Variants in CNPPD1 observed in about 807,000 individuals in gnomAD.
CNPPD1 encodes protein CNPPD1.
In CNPPD1, 40 loss-of-function variants were observed where a neutral mutation model predicts 43.7. That is an observed-to-expected ratio of 0.92 (90% CI 0.71 to 1.19). CNPPD1 has a LOEUF of 1.19. Ranked by LOEUF, CNPPD1 falls within the 50% of genes most tolerant of loss-of-function variation. CNPPD1 has a pLI of 0.00. For missense variants in CNPPD1, 511 were observed against 518.5 expected, an observed-to-expected ratio of 0.99 and a Z score of 0.14; for synonymous variants, 208 against 214.3, an observed-to-expected ratio of 0.97 and a Z score of 0.26.
chr2:219,176,935 G>A (rs1950178819), upstream of CNPPD1: 5 of 981,640 alleles, frequency 5.1e-6, no homozygotes, highest in South Asian at 8.3e-5. Context: ...TGCCTCCCCG[G>A]GGCGGGCCGC....
chr2:219,176,872 G>A lies in CNPPD1; in HGVS notation c.-44C>T, dbSNP rs1188364041. The A allele has an allele frequency of 1.3e-6, 2 of 1,496,218 alleles. No homozygotes were observed. Among genetic ancestry groups the A allele is most frequent in the Non-Finnish European group, 9.1e-7 (1 of 1,099,386 alleles). The allele number at this position is 1,496,218 out of a possible 1,614,324, so 92.7% of individuals were successfully genotyped here. A position where few individuals can be genotyped will look rare whatever the true frequency, so the allele number is the denominator to read the frequency against. ...CCTGCGAAGGTGAACGGAAGGAAACGAGTTGTAGGGGGCTCGCGGAGCTGT... is the reference window on the plus strand; with the variant it reads ...CCTGCGAAGGTGAACGGAAGGAAACAAGTTGTAGGGGGCTCGCGGAGCTGT... On this transcript the variant is annotated 5_prime_UTR_variant, in exon 1 of 8. Coordinates refer to ENST00000360507, the MANE Select transcript of CNPPD1 (RefSeq NM_015680.6).
chr2:219,176,450 C>T, intron 1 of CNPPD1, 119 bp from the exon 2 acceptor site: 2 of 765,436 alleles, frequency 2.6e-6, no homozygotes, highest in Non-Finnish European at 4.3e-6. Flanking sequence ...GGGGCCCGTG[C>T]CTTACCCAGA....
rs376110739 is a variant in CNPPD1 at position 219,174,884 on chromosome 2, T to C, written c.404A>G (p.Tyr135Cys). 2.2e-5 allele frequency: 35 copies of C among 1,613,976 alleles called. No individual in the cohort carries two copies. The highest frequency in any genetic ancestry group is 1.6e-4 in the Middle Eastern group (1 of 6,082). ...ISMMVASKYL[Y>C]DEGEEEEVFN... ...GACCTCCTCCTCCTCCCCTTCATCA[T>C]AGAGGTACTTACTGGCCACCATCTG... is the stretch of plus-strand genomic sequence containing the variant. Residue 135 changes from tyrosine to cysteine, a missense_variant, in exon 5 of 8, where the codon TAT (tyrosine) becomes TGT (cysteine). Tyr to Cys is a radical substitution (Grantham distance 194). Transcript: ENST00000360507.
chr2:219,174,143 T>C lies in CNPPD1; in HGVS notation c.572+3A>G, dbSNP rs779379894. 11 of 1,613,968 alleles carry C rather than the reference T, an allele frequency of 6.8e-6. No individual in the cohort carries two copies. In the Admixed American group the frequency reaches 1.8e-4, roughly 27 times the overall value. On this transcript the variant is annotated splice_donor_region_variant and intron_variant, in intron 6 of 7. Transcript: ENST00000360507. The stretch of plus-strand genomic sequence containing the variant: ...GCCCTTCTTCCCAACTCCTAGAACC[T>C]ACCAGCTCTCCAACCAGCTCAGCAC...
chr2:219,175,501 A>T, intron 3 of CNPPD1, 90 bp downstream of exon 3: 1 of 1,304,186 alleles, frequency 7.7e-7, no homozygotes, highest in Non-Finnish European at 1.1e-6. Flanking sequence ...TCTCAAAAAA[A>T]AAAAAAAGAA....
At position 219,175,707 on chromosome 2, in the gene CNPPD1, C is replaced by G. The variant is rs752885553; in HGVS notation, c.179-35G>C. On this transcript the variant is annotated intron_variant, in intron 2 of 7. Coordinates refer to ENST00000360507, the MANE Select transcript of CNPPD1 (RefSeq NM_015680.6). ...ACAGAAGGAAGGCCGAGTGAGCAAA[C>G]AAGCACCCACACCCAACACACCAGT... 2 of 1,579,554 alleles carry G rather than the reference C, an allele frequency of 1.3e-6. 1 individual carries two copies. The highest frequency in any genetic ancestry group is 2.2e-5 in the South Asian group (2 of 90,342).
Position 219,174,135 on chromosome 2 carries a change from C to T in CNPPD1, c.572+11G>A, listed in dbSNP as rs1950120506. 3.7e-6 allele frequency: 6 copies of T among 1,614,108 alleles called. No individual in the cohort carries two copies. The highest frequency in any genetic ancestry group is 5.1e-6 in the Non-Finnish European group (6 of 1,179,986). On this transcript the variant is annotated intron_variant, in intron 6 of 7. Transcript: ENST00000360507. Reference sequence around the variant, plus strand: ...TCCCTCGAGCCCTTCTTCCCAACTCCTAGAACCTACCAGCTCTCCAACCAG... The same window carrying T: ...TCCCTCGAGCCCTTCTTCCCAACTCTTAGAACCTACCAGCTCTCCAACCAG...
intron 1 of CNPPD1, 46 bp downstream of exon 1, chr2:219,176,710 CCGGG>C: frequency 7.7e-7 from 1 of 1,306,696 alleles, no homozygotes. Context: ...GCCGCTCAGG[CCGGG>C]AGGGGCGCGC....
At position 219,175,596 on chromosome 2, in the gene CNPPD1, C is replaced by T. The variant is rs1950146571; in HGVS notation, c.255G>A (p.Val85=). The change falls in exon 3 of 8, where the codon GTG becomes GTA. Residue 85 remains valine (V), a synonymous_variant. Coordinates refer to ENST00000360507, the MANE Select transcript of CNPPD1 (RefSeq NM_015680.6). ...ATCCTCATTTCCAGGCTCACCGGGACACATGAGCTACATATTTCTTCTGGA... is the reference window on the plus strand; with the variant it reads ...ATCCTCATTTCCAGGCTCACCGGGATACATGAGCTACATATTTCTTCTGGA... ...RRLQKKYVAH[V]SREACISPCA... 1.2e-6 allele frequency: 2 copies of T among 1,613,582 alleles called. No homozygotes were observed. The highest frequency in any genetic ancestry group is 1.7e-5 in the Admixed American group (1 of 59,996).
Position 219,172,614 on chromosome 2 carries a change from C to A in CNPPD1, c.1205G>T (p.Arg402Leu). 6.2e-7 allele frequency: 1 copy of A among 1,614,176 alleles called. No individual in the cohort carries two copies. Among genetic ancestry groups the A allele is most frequent in the African/African-American group, 1.3e-5 (1 of 75,042 alleles). ...CSLFSVMELARLKSFVFPG is the reference protein window; with the variant it reads ...CSLFSVMELALLKSFVFPG Reference sequence around the variant, plus strand: ...GCCTGGGAAAACGAAAGACTTGAGGCGAGCCAGCTCCATGACACTGAAAAG... The same window carrying A: ...GCCTGGGAAAACGAAAGACTTGAGGAGAGCCAGCTCCATGACACTGAAAAG... Residue 402 changes from arginine (R) to leucine (L), a missense_variant, in exon 8 of 8, where the codon CGC (arginine) becomes CTC (leucine). Coordinates refer to ENST00000360507, the MANE Select transcript of CNPPD1 (RefSeq NM_015680.6).
chr2:219,174,943 A>G (rs1950134871), intron 4 of CNPPD1, 37 bp from the exon 5 acceptor site: 1 of 1,614,162 alleles, frequency 6.2e-7, no homozygotes, highest in Non-Finnish European at 8.5e-7. Context: ...CAGAGCTCAT[A>G]GCAGGCTCTT....
rs1950171196 is a variant in CNPPD1, at chr2:219,176,733, C to CGGGAGGCT, written c.69+26_69+27insAGCCTCCC. On this transcript the variant is annotated intron_variant, in intron 1 of 7. Transcript: ENST00000360507. The stretch of plus-strand genomic sequence containing the variant: ...GGCCGGGAGGGGCGCGCCGGGAGGC[C>CGGGAGGCT]GGGGAGGGGGCGGGACCCCCACTCA... 6 of 1,534,994 alleles carry CGGGAGGCT rather than the reference C, an allele frequency of 3.9e-6. No homozygotes were observed. The Admixed American group carries it at 1.2e-4, about 30-fold the overall frequency.
chr2:219,172,680 C>A lies in CNPPD1; in HGVS notation c.1139G>T (p.Ser380Ile). 1 of 1,614,036 alleles carries A rather than the reference C, an allele frequency of 6.2e-7. No individual in the cohort carries two copies. Among genetic ancestry groups the A allele is most frequent in the Non-Finnish European group, 8.5e-7 (1 of 1,179,960 alleles). ...TYGLAPPWPW[S>I]PVLLSLPQPQ... The stretch of plus-strand genomic sequence containing the variant: ...CTGAGGAAGTGAAAGGAGCACCGGG[C>A]TCCAAGGCCAGGGGGGAGCCAGGCC... The change falls in exon 8 of 8, where the codon AGC (serine) becomes ATC (isoleucine). Residue 380 changes from serine to isoleucine, a missense_variant. Transcript: ENST00000360507.
upstream of CNPPD1, chr2:219,177,788 A>C (rs1559218134): frequency 6.6e-6 from 1 of 152,222 alleles, no homozygotes; most frequent in Non-Finnish European, 1.5e-5. Context: ...TAGGAAAGAA[A>C]CAACTTTTCT....
In CNPPD1 at chr2:219,176,460, A is replaced by C. The variant is rs1299589240; in HGVS notation, c.70-129T>G. On this transcript the variant is annotated intron_variant, in intron 1 of 7. Coordinates refer to ENST00000360507, the MANE Select transcript of CNPPD1 (RefSeq NM_015680.6). ...GCTAGGGGGCCCGTGCCTTACCCAG[A>C]CCCGCGTTCTGTAAATCGCTTGCCA... 4.3e-6 allele frequency: 3 copies of C among 703,088 alleles called. No individual in the cohort carries two copies. The African/African-American group carries it at 5.4e-5, about 13-fold the overall frequency. The allele number at this position is 703,088 out of a possible 1,614,324, so 43.6% of individuals were successfully genotyped here. A position where few individuals can be genotyped will look rare whatever the true frequency, so the allele number is the denominator to read the frequency against.
chr2:219,176,688 C>A (rs1383295025), intron 1 of CNPPD1, 72 bp downstream of exon 1: 8 of 1,189,990 alleles, frequency 6.7e-6, no homozygotes, highest in South Asian at 5.5e-5. Context: ...AGCAGTCAGG[C>A]GAGCTCGCAG....
At chr2:219,174,446 T>C (rs1318293517) in intron 5 of CNPPD1, among the ~76,000 whole-genome samples, 2 of 152,234 alleles carry the variant, frequency 1.3e-5, no homozygotes, top group Non-Finnish European at 2.9e-5. Flanking sequence ...GAATGGTCTG[T>C]GTCCACAGGG....
In CNPPD1 at chr2:219,173,140, G is replaced by A. The variant is rs566991158; in HGVS notation, c.691-12C>T. ...AACAGGCAAGACAGCTGCAGGAGAG[G>A]AGATAAGAAAGAAGGAATCTGTCTT... On this transcript the variant is annotated splice_polypyrimidine_tract_variant and intron_variant, in intron 7 of 7. Coordinates refer to ENST00000360507, the MANE Select transcript of CNPPD1 (RefSeq NM_015680.6). The A allele has an allele frequency of 2.1e-5, 32 of 1,554,308 alleles. No individual in the cohort carries two copies. In the East Asian group the frequency reaches 6.1e-4, roughly 30 times the overall value.
rs151183191 is a variant in CNPPD1 at position 219,172,886 on chromosome 2, A to C, written c.933T>G (p.Ser311Arg). Residue 311 changes from serine (S) to arginine (R), a missense_variant, in exon 8 of 8, where the codon AGT (serine) becomes AGG (arginine). Physicochemically the swap from Ser to Arg is moderately radical, Grantham distance 110. Coordinates refer to ENST00000360507, the MANE Select transcript of CNPPD1 (RefSeq NM_015680.6). ...GSMGLRSLWGSLLASLTPPPL... is the reference protein window; with the variant it reads ...GSMGLRSLWGRLLASLTPPPL... ...GTGGAGGAGTCAGTGAGGCCAGAAG[A>C]CTGCCCCAGAGTGACCGCAGCCCCA... is the stretch of plus-strand genomic sequence containing the variant. 45,249 of 1,602,784 alleles carry C rather than the reference A, an allele frequency of 0.028. 750 individuals carry two copies. Among genetic ancestry groups the C allele is most frequent in the Non-Finnish European group, 0.033 (38,900 of 1,173,876 alleles).
Sources: allele counts gnomAD v4.1 joint callset (sites outside exome capture counted in the v4.1 genomes callset), GRCh38; gene constraint gnomAD v4.1.1; transcripts MANE v1.5; gene names NCBI Gene and HGNC (gene_info 2026-07-23, HGNC 2026-07-21).